TAF13: variants seen among roughly 807,000 people sequenced by gnomAD.
TAF13 encodes TATA-box binding protein associated factor 13, also known as transcription initiation factor TFIID subunit 13.
TAF13 carries 9 observed loss-of-function variants against 18.7 expected under a neutral mutation model. The observed-to-expected ratio is 0.48, with a 90% confidence interval of 0.29 to 0.84. The LOEUF is 0.84. TAF13 is among the 40% of genes least tolerant of loss of function. TAF13 has a pLI of 0.08. For missense variants in TAF13, 105 were observed against 146.5 expected (o/e 0.72, Z 1.46); for synonymous variants, 49 against 44.1 (o/e 1.11, Z -0.44).
intron 1 of TAF13, 37 bp from the exon 2 acceptor site, chr1:109,075,102 A>C: frequency 2.0e-6 from 3 of 1,478,866 alleles, no homozygotes; most frequent in African/African-American, 1.4e-5. Context: ...ATGTCAAATA[A>C]TTGCCTTGCA....
intron 2 of TAF13, 65 bp from the exon 3 acceptor site, chr1:109,066,297 A>G: frequency 1.5e-6 from 2 of 1,323,168 alleles, no homozygotes; most frequent in Non-Finnish European, 2.1e-6. Flanking sequence ...TACTTTAAAA[A>G]AATAAAGTAG....
intron 1 of TAF13, 131 bp downstream of exon 1, chr1:109,075,790 A>T (rs1664167921): frequency 6.1e-6 from 7 of 1,156,602 alleles, no homozygotes; most frequent in East Asian, 2.4e-5. Flanking sequence ...ATCAATCCTT[A>T]GGGCGTGAAG....
At chr1:109,069,193 A>G (rs1185631366) in intron 2 of TAF13, among the ~76,000 whole-genome samples, 1 of 116,514 alleles carries the variant, frequency 8.6e-6, no homozygotes, top group African/African-American at 3.0e-5. Context: ...TAGTGATTAC[A>G]AGTGTGTGAG....
rs1475655527 is a variant in TAF13, at chr1:109,064,655, T to A, written c.243A>T (p.Val81=). 2.6e-6 allele frequency: 4 copies of A among 1,554,256 alleles called. No homozygotes were observed. Among genetic ancestry groups the A allele is most frequent in the Non-Finnish European group, 2.6e-6 (3 of 1,150,866 alleles). Residue 81 remains valine (V), a synonymous_variant, in exon 4 of 4, where the codon GTA becomes GTT. Coordinates refer to ENST00000338366, the MANE Select transcript of TAF13 (RefSeq NM_005645.4). The part of the protein sequence containing the change: ...KAMSIGRQGR[V]QVEDIVFLIR... ...TCAAGAAGACGATATCTTCAACTTGTACTCGACCTTGTCTTCCAATTGACA... is the reference window on the plus strand; with the variant it reads ...TCAAGAAGACGATATCTTCAACTTGAACTCGACCTTGTCTTCCAATTGACA...
intron 2 of TAF13, among the ~76,000 whole-genome samples, chr1:109,074,287 T>C (rs978777383): frequency 2.6e-5 from 4 of 152,212 alleles, no homozygotes; most frequent in Admixed American, 2.0e-4. Context: ...CCCAACCCCG[T>C]GCTCTCTGAA....
rs765150435 is a variant in TAF13, at chr1:109,066,235, G to A, written c.107-3C>T. 1 of 1,581,896 alleles carries A rather than the reference G, an allele frequency of 6.3e-7. No homozygotes were observed. Among genetic ancestry groups the A allele is most frequent in the East Asian group, 2.3e-5 (1 of 44,084 alleles). ...AAAGCCATACATCATACATCGCACT[G>A]TAAAAGAACAATCACTTACTTTTGT... On this transcript the variant is annotated splice_region_variant and splice_polypyrimidine_tract_variant and intron_variant, in intron 2 of 3. Coordinates refer to ENST00000338366, the MANE Select transcript of TAF13 (RefSeq NM_005645.4).
intron 2 of TAF13, among the ~76,000 whole-genome samples, chr1:109,069,095 T>C (rs1342162577): frequency 6.6e-6 from 1 of 152,164 alleles, no homozygotes; most frequent in Non-Finnish European, 1.5e-5. Flanking sequence ...TGGGAATAAT[T>C]ATAACTTTTA....
At chr1:109,064,806 T>G (rs113472588) in intron 3 of TAF13, 113 bp from the exon 4 acceptor site, 1 of 848,008 alleles carries the variant, frequency 1.2e-6, no homozygotes. Flanking sequence ...TTATTATTAT[T>G]ATGGCTATTC....
At chr1:109,068,092 G>A (rs965565870) in intron 2 of TAF13, among the ~76,000 whole-genome samples, 4 of 152,136 alleles carry the variant, frequency 2.6e-5, no homozygotes, top group Non-Finnish European at 5.9e-5. Flanking sequence ...CCTGGCTCAC[G>A]TGAGCAGCTG....
chr1:109,075,654 G>C (rs1664166329), intron 1 of TAF13, among the ~76,000 whole-genome samples: 2 of 152,156 alleles, frequency 1.3e-5, no homozygotes, highest in South Asian at 4.1e-4. Flanking sequence ...CGCGCTAATA[G>C]ATGTTAGTTT....
chr1:109,069,759 C>G (rs1363051575), intron 2 of TAF13, among the ~76,000 whole-genome samples: 3 of 151,810 alleles, frequency 2.0e-5, no homozygotes, highest in Non-Finnish European at 2.9e-5. Flanking sequence ...GTAGACCAGG[C>G]CTACAGAAGA....
intron 2 of TAF13, among the ~76,000 whole-genome samples, chr1:109,068,900 G>T (rs1663997570): frequency 6.6e-6 from 1 of 152,182 alleles, no homozygotes; most frequent in Admixed American, 6.6e-5. Flanking sequence ...TATTTGGGAG[G>T]CTGAGGCAGG....
rs1411047059 is a variant in TAF13, at chr1:109,072,021, C to T, written c.106+2966G>A. 5.7e-3 allele frequency among the ~76,000 whole-genome samples: 26 copies of T among 4,558 alleles called. 1 individual carries two copies. The highest frequency in any genetic ancestry group is 0.016 in the South Asian group (2 of 124). 3.0% of individuals were successfully genotyped at this position (4,558 alleles called of 152,430 possible). ...ATATATATATATATATATACACACA[C>T]ATATATATATATATATATATATACA... On this transcript the variant is annotated intron_variant, in intron 2 of 3. Transcript: ENST00000338366.
At chr1:109,066,021 C>T in intron 3 of TAF13, 114 bp downstream of exon 3, 1 of 784,414 alleles carries the variant, frequency 1.3e-6, no homozygotes, top group Non-Finnish European at 2.0e-6. Context: ...TGCAAACAAG[C>T]ACTCAAATGG....
At chr1:109,072,148 T>C (rs1262095422) in intron 2 of TAF13, among the ~76,000 whole-genome samples, 1 of 134,738 alleles carries the variant, frequency 7.4e-6, no homozygotes, top group Non-Finnish European at 1.6e-5. Context: ...ATATATATAC[T>C]GACCCTGTAG....
At chr1:109,073,985 C>A (rs996217215) in intron 2 of TAF13, among the ~76,000 whole-genome samples, 45 of 152,214 alleles carry the variant, frequency 3.0e-4, no homozygotes, top group Middle Eastern at 6.8e-3. Flanking sequence ...GGCCACGACC[C>A]CGTCTGGGAA....
intron 2 of TAF13, among the ~76,000 whole-genome samples, chr1:109,073,613 C>T (rs976551517): frequency 2.0e-5 from 3 of 152,168 alleles, no homozygotes; most frequent in Non-Finnish European, 2.9e-5. Context: ...GTGATCTGCC[C>T]GCCTCGGCCT....
chr1:109,075,111 C>T (rs779163391), intron 1 of TAF13, 46 bp from the exon 2 acceptor site: 17 of 1,445,770 alleles, frequency 1.2e-5, no homozygotes, highest in African/African-American at 2.9e-5. Context: ...AATTGCCTTG[C>T]ATTTGATATT....
At chr1:109,066,037 T>C (rs561177440) in intron 3 of TAF13, 98 bp downstream of exon 3, 702 of 988,248 alleles carry the variant, frequency 7.1e-4, no homozygotes, top group Non-Finnish European at 9.2e-4. Flanking sequence ...AATGGATAGC[T>C]TATTTCAAAG....
Sources: allele counts gnomAD v4.1 joint callset (sites outside exome capture counted in the v4.1 genomes callset), GRCh38; gene constraint gnomAD v4.1.1; transcripts MANE v1.5; gene names NCBI Gene and HGNC (gene_info 2026-07-23, HGNC 2026-07-21).